Variants in GRID2 observed in about 807,000 individuals in gnomAD.
The protein encoded by GRID2 is glutamate ionotropic receptor delta type subunit 2.
GRID2 carries 33 observed loss-of-function variants against 114.8 expected under a neutral mutation model. The observed-to-expected ratio is 0.29, with a 90% CI of 0.22 to 0.38. The LOEUF (loss-of-function observed/expected upper bound fraction) is 0.38. Among genes scored for constraint, GRID2 ranks in the 10% least tolerant of loss-of-function variants. The probability of loss-of-function intolerance (pLI) is 1.00; values close to 1 mark genes in which losing one functional copy is unlikely to be tolerated. For missense variants in GRID2, 1,184 were observed against 1,257.7 expected, an observed-to-expected ratio of 0.94 and a Z score of 0.89; for synonymous variants, 505 against 449.9, an observed-to-expected ratio of 1.12 and a Z score of -1.55.
At chr4:93,510,566 C>T (rs1462330718) in intron 12 of GRID2, among the ~76,000 whole-genome samples, 1 of 152,102 alleles carries the variant, frequency 6.6e-6, no homozygotes, top group Non-Finnish European at 1.5e-5. Context: ...AGAGAGTTTG[C>T]TATGAAGAAA....
intron 2 of GRID2, among the ~76,000 whole-genome samples, chr4:93,019,296 A>T (rs528160201): frequency 6.6e-5 from 10 of 152,258 alleles, no homozygotes; most frequent in African/African-American, 1.2e-4. Flanking sequence ...TTTATTACTT[A>T]CATTTGCTTC....
chr4:92,830,202 G>C (rs1007365660), intron 2 of GRID2, among the ~76,000 whole-genome samples: 4 of 151,176 alleles, frequency 2.6e-5, no homozygotes, highest in Non-Finnish European at 5.9e-5. Context: ...ACAGTGTCCA[G>C]TTATTTTAAG....
At chr4:92,945,537 T>A (rs188021483) in intron 2 of GRID2, among the ~76,000 whole-genome samples, 80 of 152,298 alleles carry the variant, frequency 5.3e-4, no homozygotes, top group African/African-American at 1.9e-3. Context: ...GGAAATTATG[T>A]TTGATTCTTA....
intron 2 of GRID2, among the ~76,000 whole-genome samples, chr4:92,731,602 C>A (rs1736331434): frequency 6.6e-6 from 1 of 151,748 alleles, no homozygotes; most frequent in Non-Finnish European, 1.5e-5. Flanking sequence ...TGGTGTTAGC[C>A]TAAGTAGTAA....
At chr4:93,439,193 T>C (rs1432791080) in intron 10 of GRID2, among the ~76,000 whole-genome samples, 1 of 152,128 alleles carries the variant, frequency 6.6e-6, no homozygotes, top group African/African-American at 2.4e-5. Context: ...TTTGGGTATA[T>C]ACCCAGTAAT....
intron 1 of GRID2, among the ~76,000 whole-genome samples, chr4:92,561,721 A>C (rs944900003): frequency 3.2e-4 from 48 of 152,156 alleles, no homozygotes; most frequent in African/African-American, 8.9e-4. Flanking sequence ...AAAATTTTTT[A>C]CATTAGTTCT....
chr4:92,356,305 T>C (rs1290801186), intron 1 of GRID2, among the ~76,000 whole-genome samples: 1 of 151,490 alleles, frequency 6.6e-6, no homozygotes, highest in Admixed American at 6.6e-5. Flanking sequence ...TTTTCTGGTT[T>C]TCTTATGTTA....
chr4:92,537,825 G>GTT (rs1236224976), intron 1 of GRID2, among the ~76,000 whole-genome samples: 4 of 147,684 alleles, frequency 2.7e-5, no homozygotes, highest in Non-Finnish European at 6.0e-5. Context: ...GTGTGTGTGT[G>GTT]TGTGTCTAAT....
intron 2 of GRID2, among the ~76,000 whole-genome samples, chr4:93,009,281 A>G (rs188344695): frequency 6.6e-6 from 1 of 152,206 alleles, no homozygotes; most frequent in Admixed American, 6.5e-5. Flanking sequence ...AGCCCTCAGT[A>G]GTTTCTTACT....
At chr4:93,526,462 C>A (rs939376940) in intron 13 of GRID2, among the ~76,000 whole-genome samples, 1 of 152,170 alleles carries the variant, frequency 6.6e-6, no homozygotes, top group African/African-American at 2.4e-5. Context: ...TCCAATTTTA[C>A]CCTCAGAGTT....
chr4:93,167,253 A>G (rs1431076721), intron 4 of GRID2, among the ~76,000 whole-genome samples: 1 of 152,110 alleles, frequency 6.6e-6, no homozygotes, highest in Non-Finnish European at 1.5e-5. Context: ...CATACTCTAG[A>G]GGCACCCCAT....
chr4:92,659,078 G>T (rs1191328954), intron 2 of GRID2, among the ~76,000 whole-genome samples: 1 of 133,474 alleles, frequency 7.5e-6, no homozygotes, highest in East Asian at 2.8e-4. Flanking sequence ...TCATGTAGAT[G>T]CAGAAATAAA....
intron 1 of GRID2, among the ~76,000 whole-genome samples, chr4:92,385,517 A>G (rs1560599817): frequency 6.6e-6 from 1 of 151,824 alleles, no homozygotes; most frequent in East Asian, 1.9e-4. Flanking sequence ...TGTTAACGCT[A>G]TGAAAACTCT....
chr4:92,517,419 G>C (rs1324921620), intron 1 of GRID2, among the ~76,000 whole-genome samples: 1 of 151,832 alleles, frequency 6.6e-6, no homozygotes, highest in Non-Finnish European at 1.5e-5. Flanking sequence ...TCATACCTTT[G>C]AGGATATAAT....
chr4:92,508,434 A>G (rs892984079), intron 1 of GRID2, among the ~76,000 whole-genome samples: 1 of 151,948 alleles, frequency 6.6e-6, no homozygotes, highest in Non-Finnish European at 1.5e-5. Flanking sequence ...GAAGAAATCA[A>G]CGAATGGTAT....
chr4:92,619,462 T>C (rs1390625776), intron 2 of GRID2, among the ~76,000 whole-genome samples: 2 of 151,744 alleles, frequency 1.3e-5, no homozygotes, highest in Admixed American at 6.6e-5. Flanking sequence ...AGTATTCTAA[T>C]CTGTTGCTTG....
chr4:93,734,964 T>A (rs1003078987), intron 14 of GRID2, among the ~76,000 whole-genome samples: 3 of 151,990 alleles, frequency 2.0e-5, no homozygotes, highest in Non-Finnish European at 4.4e-5. Flanking sequence ...CATTTTGAAG[T>A]GTAGTCATCC....
At position 92,600,003 on chromosome 4, in the gene GRID2, C is replaced by T. The variant is rs184021329; in HGVS notation, c.244+9717C>T. ...TTGCGCCACTGCACTCCAGCCTGGG[C>T]GACAGGGCAATACTTCATGTATGTG... is the stretch of plus-strand genomic sequence containing the variant. On this transcript the variant is annotated intron_variant, in intron 2 of 15. Coordinates refer to ENST00000282020, the MANE Select transcript of GRID2 (RefSeq NM_001510.4). Among the ~76,000 whole-genome samples the T allele has an allele frequency of 3.9e-4, 51 of 130,086 alleles. 1 individual carries two copies. The highest frequency in any genetic ancestry group is 1.2e-3 in the African/African-American group (42 of 34,140). The allele number at this position is 130,086 out of a possible 152,430, so 85.3% of individuals were successfully genotyped here.
At chr4:93,138,257 G>T (rs1370398923) in intron 4 of GRID2, among the ~76,000 whole-genome samples, 1 of 152,052 alleles carries the variant, frequency 6.6e-6, no homozygotes, top group Non-Finnish European at 1.5e-5. Flanking sequence ...TTACAAGTGT[G>T]AGCCAAGGCA....
Sources: gnomAD v4.1 joint callset for allele counts (sites outside exome capture counted in the v4.1 genomes callset) on GRCh38, gnomAD v4.1.1 for gene constraint, MANE v1.5 for transcripts, NCBI Gene and HGNC (gene_info 2026-07-23, HGNC 2026-07-21) for gene names.